The following PTPRD variants were observed in gnomAD, a reference collection of about 807,000 sequenced individuals.
PTPRD encodes protein tyrosine phosphatase receptor type D.
A neutral mutation model predicts 214.5 loss-of-function variants in PTPRD; 34 were observed. The observed-to-expected ratio is 0.16, with a 90% CI of 0.12 to 0.21. The LOEUF is 0.21. Among genes scored for constraint, PTPRD ranks in the 10% least tolerant of loss-of-function variants. The pLI is 1.00. For synonymous variants in PTPRD, 1,128 were observed against 845.7 expected (o/e 1.33, Z -5.79); for missense variants, 2,545 against 2,398.7 (o/e 1.06, Z -1.27).
intron 35 of PTPRD, among the ~76,000 whole-genome samples, chr9:8,422,190 G>C (rs1431528729): frequency 7.4e-6 from 1 of 135,502 alleles, no homozygotes; most frequent in Non-Finnish European, 1.6e-5. Context: ...AATTTTATAT[G>C]TGAACTATAT....
intron 2 of PTPRD, among the ~76,000 whole-genome samples, chr9:10,556,503 A>T (rs1277856584): frequency 2.0e-5 from 3 of 152,134 alleles, no homozygotes; most frequent in Non-Finnish European, 4.4e-5. Flanking sequence ...CGTAGAAAAT[A>T]CTGAGAGTCA....
At chr9:8,749,819 C>T (rs1381114122) in intron 11 of PTPRD, among the ~76,000 whole-genome samples, 1 of 151,982 alleles carries the variant, frequency 6.6e-6, no homozygotes, top group East Asian at 2.0e-4. Flanking sequence ...CAGCAAGGTC[C>T]GGCTGGGTGC....
chr9:9,634,994 G>A (rs1168002070), intron 7 of PTPRD, among the ~76,000 whole-genome samples: 1 of 152,166 alleles, frequency 6.6e-6, no homozygotes, highest in African/African-American at 2.4e-5. Context: ...AAACACAAAT[G>A]AAAGGATGGA....
intron 12 of PTPRD, among the ~76,000 whole-genome samples, chr9:8,663,347 G>A (rs2097103451): frequency 6.9e-6 from 1 of 145,936 alleles, no homozygotes. Context: ...CTACTATTAA[G>A]AAAATTAAAA....
intron 14 of PTPRD, among the ~76,000 whole-genome samples, chr9:8,629,639 T>G (rs1338653110): frequency 6.6e-6 from 1 of 151,790 alleles, no homozygotes; most frequent in Non-Finnish European, 1.5e-5. Flanking sequence ...CTTAAAGTTC[T>G]GCTTAGGATG....
intron 3 of PTPRD, among the ~76,000 whole-genome samples, chr9:10,157,084 G>A (rs1490860198): frequency 1.3e-5 from 2 of 152,116 alleles, no homozygotes; most frequent in Non-Finnish European, 2.9e-5. Context: ...TCTATACCCA[G>A]TTTGTCACTC....
At chr9:10,416,295 G>A (rs1346032034) in intron 2 of PTPRD, among the ~76,000 whole-genome samples, 1 of 151,754 alleles carries the variant, frequency 6.6e-6, no homozygotes, top group African/African-American at 2.4e-5. Flanking sequence ...GAGGCAGAGT[G>A]TTGCAGTGAG....
In PTPRD at chr9:8,613,284, A is replaced by C. The variant is rs139701945; in HGVS notation, c.352+20033T>G. Among the ~76,000 whole-genome samples, 74 of 152,264 alleles carry C rather than the reference A, an allele frequency of 4.9e-4. 1 individual carries two copies. Among genetic ancestry groups the C allele is most frequent in the African/African-American group, 1.7e-3 (72 of 41,564 alleles). On this transcript the variant is annotated intron_variant, in intron 14 of 45. Transcript: ENST00000381196. ...AAGAGAAATGGCATTCTTTCATCTC[A>C]GTGGCCTCTTCCATTTCTAGAAGAG...
At chr9:9,583,350 A>G (rs1218865632) in intron 7 of PTPRD, among the ~76,000 whole-genome samples, 1 of 152,072 alleles carries the variant, frequency 6.6e-6, no homozygotes, top group Admixed American at 6.6e-5. Context: ...ATGCCGCTCT[A>G]AATTATTCAA....
chr9:8,993,756 A>T (rs1305538467), intron 11 of PTPRD, among the ~76,000 whole-genome samples: 1 of 152,136 alleles, frequency 6.6e-6, no homozygotes, highest in Non-Finnish European at 1.5e-5. Context: ...AGAGTTTCTC[A>T]GACTTTTCAG....
At chr9:9,861,581 A>C (rs1448083496) in intron 5 of PTPRD, among the ~76,000 whole-genome samples, 1 of 152,214 alleles carries the variant, frequency 6.6e-6, no homozygotes, top group African/African-American at 2.4e-5. Flanking sequence ...GAGCCACCGC[A>C]CATGGCCGAA....
chr9:10,094,670 T>C (rs1701727223), intron 3 of PTPRD, among the ~76,000 whole-genome samples: 2 of 151,266 alleles, frequency 1.3e-5, no homozygotes, highest in African/African-American at 2.4e-5. Context: ...GTTTAGTTTA[T>C]GTAAAACAAG....
chr9:8,409,962 C>T (rs149205248), intron 35 of PTPRD, among the ~76,000 whole-genome samples: 14 of 152,308 alleles, frequency 9.2e-5, no homozygotes, highest in Middle Eastern at 6.8e-3. Flanking sequence ...ACATATCTCC[C>T]CTTCAGTAGG....
chr9:8,688,823 T>C (rs541715747), intron 12 of PTPRD, among the ~76,000 whole-genome samples: 1 of 152,316 alleles, frequency 6.6e-6, no homozygotes, highest in Non-Finnish European at 1.5e-5. Context: ...AGTCTCAATT[T>C]TCTCATCCAT....
intron 4 of PTPRD, among the ~76,000 whole-genome samples, chr9:10,022,294 A>C (rs1284996753): frequency 5.3e-5 from 6 of 113,518 alleles, no homozygotes; most frequent in Non-Finnish European, 8.9e-5. Flanking sequence ...CTTCCTTGTT[A>C]TGTTCGATGA....
At chr9:9,121,204 T>A (rs570079050) in intron 10 of PTPRD, among the ~76,000 whole-genome samples, 2 of 152,334 alleles carry the variant, frequency 1.3e-5, no homozygotes, top group South Asian at 4.1e-4. Flanking sequence ...AAAGTATTTT[T>A]ATTTGAAAAT....
intron 11 of PTPRD, among the ~76,000 whole-genome samples, chr9:8,905,878 A>G (rs1426367689): frequency 6.6e-6 from 1 of 152,218 alleles, no homozygotes; most frequent in Non-Finnish European, 1.5e-5. Context: ...AAGGAAACAA[A>G]TCATGTCTGT....
chr9:9,860,143 G>T (rs1283956536), intron 5 of PTPRD, among the ~76,000 whole-genome samples: 1 of 152,114 alleles, frequency 6.6e-6, no homozygotes, highest in Non-Finnish European at 1.5e-5. Flanking sequence ...TAATTGGTAA[G>T]GTAAAACTAT....
intron 2 of PTPRD, among the ~76,000 whole-genome samples, chr9:10,602,235 A>G (rs1353411538): frequency 2.6e-5 from 4 of 151,840 alleles, no homozygotes; most frequent in Non-Finnish European, 5.9e-5. Flanking sequence ...GCTGTGAAAG[A>G]GCAAAGGTAA....
Sources: allele counts gnomAD v4.1 joint callset (sites outside exome capture counted in the v4.1 genomes callset), GRCh38; gene constraint gnomAD v4.1.1; transcripts MANE v1.5; gene names NCBI Gene and HGNC (gene_info 2026-07-23, HGNC 2026-07-21).